The following DPYSL3 variants were observed in gnomAD, a reference collection of about 807,000 sequenced individuals.
DPYSL3 encodes dihydropyrimidinase-related protein 3.
A neutral mutation model predicts 66.1 loss-of-function variants in DPYSL3; 16 were observed. The observed-to-expected ratio is 0.24, with a 90% CI of 0.16 to 0.37. DPYSL3 has a LOEUF of 0.37. DPYSL3 is among the 10% of genes least tolerant of loss of function. The probability of loss-of-function intolerance (pLI) is 1.00; values close to 1 mark genes in which losing one functional copy is unlikely to be tolerated. For missense variants in DPYSL3, 738 were observed against 916.2 expected (o/e 0.81, Z 2.51); for synonymous variants, 338 against 345.1 (o/e 0.98, Z 0.23).
intron 1 of DPYSL3, among the ~76,000 whole-genome samples, chr5:147,472,019 C>T (rs1005839125): frequency 1.3e-5 from 2 of 152,160 alleles, no homozygotes; most frequent in Admixed American, 1.3e-4. Flanking sequence ...TCAAAGAGAG[C>T]AATTCTGTGA....
intron 1 of DPYSL3, among the ~76,000 whole-genome samples, chr5:147,453,094 G>A (rs1267354738): frequency 6.6e-6 from 1 of 152,162 alleles, no homozygotes; most frequent in African/African-American, 2.4e-5. Context: ...TGGGGCTGGA[G>A]CTGGGAGAGG....
rs59850676 is a variant in DPYSL3 at position 147,505,998 on chromosome 5, G to A, written c.381+3480C>T. 9.6e-3 allele frequency among the ~76,000 whole-genome samples: 1,458 copies of A among 152,112 alleles called. 22 individuals carry two copies. Among genetic ancestry groups the A allele is most frequent in the African/African-American group, 0.033 (1,387 of 41,484 alleles). On this transcript the variant is annotated intron_variant, in intron 1 of 13. Transcript: ENST00000343218. ...CCCACTTATTATTTATGTGATTTGG[G>A]ACTAAACAATTAGTCTCTGGGGTTC...
intron 1 of DPYSL3, among the ~76,000 whole-genome samples, chr5:147,458,872 GGGGAATAAA>G (rs1752892305): frequency 6.6e-6 from 1 of 152,128 alleles, no homozygotes; most frequent in South Asian, 2.1e-4. Flanking sequence ...ACAGTGTATA[GGGGAATAAA>G]GGACAGTGAA....
intron 3 of DPYSL3, 22 bp downstream of exon 3, chr5:147,418,425 T>C: frequency 6.3e-7 from 1 of 1,575,596 alleles, no homozygotes; most frequent in Non-Finnish European, 8.6e-7. Flanking sequence ...GAAACAGGAG[T>C]GTGTAAAATA....
chr5:147,427,371 C>G (rs1752216712), intron 1 of DPYSL3, among the ~76,000 whole-genome samples: 1 of 152,160 alleles, frequency 6.6e-6, no homozygotes, highest in Non-Finnish European at 1.5e-5. Context: ...GGAGCTCATC[C>G]TAGACAGCTA....
At chr5:147,439,644 G>A (rs1752494435) in intron 1 of DPYSL3, among the ~76,000 whole-genome samples, 1 of 152,166 alleles carries the variant, frequency 6.6e-6, no homozygotes. Context: ...GAATTTAGGG[G>A]TAGGCAAAGT....
At chr5:147,478,446 C>A (rs1753192529) in intron 1 of DPYSL3, among the ~76,000 whole-genome samples, 1 of 152,138 alleles carries the variant, frequency 6.6e-6, no homozygotes, top group South Asian at 2.1e-4. Context: ...GAAGATGGTA[C>A]CTTTGGAAAG....
intron 1 of DPYSL3, among the ~76,000 whole-genome samples, chr5:147,433,295 C>T (rs1399440069): frequency 3.9e-5 from 6 of 151,928 alleles, no homozygotes; most frequent in African/African-American, 1.2e-4. Context: ...GCTCTGGGTC[C>T]GAAGCTTGGG....
chr5:147,454,434 C>G (rs1431924271), intron 1 of DPYSL3, among the ~76,000 whole-genome samples: 2 of 152,210 alleles, frequency 1.3e-5, no homozygotes, highest in African/African-American at 2.4e-5. Flanking sequence ...AGCCGTGACT[C>G]GCTCTCAGAG....
At chr5:147,429,924 G>C (rs998532076) in intron 1 of DPYSL3, among the ~76,000 whole-genome samples, 12 of 152,158 alleles carry the variant, frequency 7.9e-5, no homozygotes, top group African/African-American at 2.7e-4. Context: ...CCCCTTAATG[G>C]CCTGAATGTG....
intron 1 of DPYSL3, among the ~76,000 whole-genome samples, chr5:147,450,695 G>A (rs1752711595): frequency 6.6e-6 from 1 of 152,110 alleles, no homozygotes; most frequent in East Asian, 1.9e-4. Context: ...AAAATAGGTG[G>A]AAGGAGGAAA....
At chr5:147,410,258 G>A (rs949686200) in intron 6 of DPYSL3, among the ~76,000 whole-genome samples, 1 of 152,062 alleles carries the variant, frequency 6.6e-6, no homozygotes, top group Admixed American at 6.5e-5. Context: ...CTCAAGAGGT[G>A]GCTTCCAAGC....
chr5:147,395,308 T>A (rs918353002), intron 13 of DPYSL3, among the ~76,000 whole-genome samples: 1 of 152,176 alleles, frequency 6.6e-6, no homozygotes, highest in Non-Finnish European at 1.5e-5. Flanking sequence ...CCAGGGCTGA[T>A]CTCTAGGCAG....
intron 1 of DPYSL3, among the ~76,000 whole-genome samples, chr5:147,434,115 T>A (rs919915764): frequency 6.6e-6 from 1 of 152,062 alleles, no homozygotes; most frequent in Non-Finnish European, 1.5e-5. Flanking sequence ...ATTCTACTGC[T>A]CTTGTAATAT....
intron 1 of DPYSL3, among the ~76,000 whole-genome samples, chr5:147,452,938 C>T (rs1336615043): frequency 6.6e-6 from 1 of 150,930 alleles, no homozygotes; most frequent in Non-Finnish European, 1.5e-5. Flanking sequence ...TAAAGTTGAT[C>T]ATTCCCACTG....
chr5:147,484,364 G>C (rs1157973465), intron 1 of DPYSL3, among the ~76,000 whole-genome samples: 2 of 152,200 alleles, frequency 1.3e-5, no homozygotes, highest in African/African-American at 4.8e-5. Context: ...CAGCTTTACA[G>C]ATGGTTTCTA....
chr5:147,490,140 C>T (rs965650017), intron 1 of DPYSL3, among the ~76,000 whole-genome samples: 2 of 152,142 alleles, frequency 1.3e-5, no homozygotes, highest in African/African-American at 4.8e-5. Flanking sequence ...GGCTGCACTC[C>T]TCTTTCTTAG....
chr5:147,417,057 G>T (rs1049057968), intron 3 of DPYSL3, among the ~76,000 whole-genome samples: 2 of 152,186 alleles, frequency 1.3e-5, no homozygotes, highest in African/African-American at 4.8e-5. Context: ...GGATTAGGAG[G>T]TTTATTTTCT....
intron 1 of DPYSL3, among the ~76,000 whole-genome samples, chr5:147,501,385 G>C (rs1274677051): frequency 2.6e-5 from 4 of 151,512 alleles, no homozygotes; most frequent in Non-Finnish European, 4.4e-5. Context: ...TATTACAATG[G>C]TAGATACTTG....
Sources: gnomAD v4.1 joint callset for allele counts (sites outside exome capture counted in the v4.1 genomes callset) on GRCh38, gnomAD v4.1.1 for gene constraint, MANE v1.5 for transcripts, NCBI Gene and HGNC (gene_info 2026-07-23, HGNC 2026-07-21) for gene names.